The following SCNN1G variants were observed in gnomAD, a reference collection of about 807,000 sequenced individuals.
SCNN1G encodes epithelial sodium channel subunit gamma.
Under a neutral mutation model 64.6 loss-of-function variants are expected in SCNN1G, and 27 were observed. The ratio of observed to expected loss-of-function variants is 0.42; its 90% CI spans 0.31 to 0.58. SCNN1G has a LOEUF of 0.58. Among genes scored for constraint, SCNN1G ranks in the 20% least tolerant of loss-of-function variants. The pLI is 0.18. For synonymous variants in SCNN1G, 330 were observed against 314.2 expected, an observed-to-expected ratio of 1.05 and a Z score of -0.53; for missense variants, 743 against 823.4, an observed-to-expected ratio of 0.90 and a Z score of 1.19.
At chr16:23,186,973 G>T (rs1285751132) in intron 2 of SCNN1G, among the ~76,000 whole-genome samples, 1 of 151,884 alleles carries the variant, frequency 6.6e-6, no homozygotes, top group African/African-American at 2.4e-5. Context: ...TAATTTTTTT[G>T]TGTTTTTAGT....
At chr16:23,189,701 G>C in intron 3 of SCNN1G, 30 bp downstream of exon 3, 1 of 1,607,202 alleles carries the variant, frequency 6.2e-7, no homozygotes, top group Non-Finnish European at 8.5e-7. Context: ...TTCTTTCACT[G>C]CTTAGGGGCA....
chr16:23,193,175 T>C (rs1266155643), intron 4 of SCNN1G, among the ~76,000 whole-genome samples: 2 of 151,328 alleles, frequency 1.3e-5, no homozygotes, highest in Admixed American at 6.6e-5. Flanking sequence ...CCTAACCTTG[T>C]ATATTACCAT....
intron 3 of SCNN1G, among the ~76,000 whole-genome samples, chr16:23,191,138 C>A (rs993382968): frequency 2.6e-5 from 4 of 151,948 alleles, no homozygotes; most frequent in Non-Finnish European, 5.9e-5. Context: ...AGCCACCGCA[C>A]CTGGCCTGAG....
At chr16:23,195,598 T>C (rs9935983) in intron 5 of SCNN1G, among the ~76,000 whole-genome samples, 115,089 of 152,188 alleles carry the variant, frequency 0.76, 44,167 homozygotes, top group East Asian at 0.88. Context: ...TGCACATATT[T>C]CATGGGGAAG....
intron 6 of SCNN1G, among the ~76,000 whole-genome samples, chr16:23,201,940 C>T (rs1959896314): frequency 6.6e-6 from 1 of 152,150 alleles, no homozygotes; most frequent in African/African-American, 2.4e-5. Flanking sequence ...CCTCAGCCTT[C>T]CAAGTAGCTG....
intron 7 of SCNN1G, among the ~76,000 whole-genome samples, chr16:23,210,190 C>A (rs1960057645): frequency 6.6e-6 from 1 of 152,142 alleles, no homozygotes; most frequent in South Asian, 2.1e-4. Context: ...CCTGCTGGTG[C>A]CCCTCTCTGG....
intron 8 of SCNN1G, 62 bp from the exon 9 acceptor site, chr16:23,212,616 G>T (rs1960098020): frequency 7.7e-7 from 1 of 1,293,250 alleles, no homozygotes; most frequent in Non-Finnish European, 1.1e-6. Flanking sequence ...TGGTGACCTG[G>T]GGATGGCCAG....
chr16:23,207,370 G>A (rs543488146), intron 6 of SCNN1G, among the ~76,000 whole-genome samples: 8 of 152,334 alleles, frequency 5.3e-5, no homozygotes, highest in South Asian at 2.1e-4. Context: ...CCAAAGGAAC[G>A]CTTCTGCCCA....
chr16:23,200,013 G>A (rs1482295097), intron 6 of SCNN1G, among the ~76,000 whole-genome samples: 1 of 152,072 alleles, frequency 6.6e-6, no homozygotes, highest in Non-Finnish European at 1.5e-5. Flanking sequence ...TGGGGAGAAA[G>A]AAACAAAATC....
intron 2 of SCNN1G, 89 bp from the exon 3 acceptor site, chr16:23,189,282 A>T: frequency 7.5e-7 from 1 of 1,334,182 alleles, no homozygotes; most frequent in Non-Finnish European, 1.1e-6. Context: ...TGAGGCTGAC[A>T]CGTGTTGATG....
At chr16:23,195,109 G>A (rs1361161496) in intron 5 of SCNN1G, 1 of 152,094 alleles carries the variant, frequency 6.6e-6, no homozygotes, top group Non-Finnish European at 1.5e-5. Flanking sequence ...CCCCCTGCTT[G>A]TGACTTCCTT....
chr16:23,208,612 C>T (rs932459600), intron 6 of SCNN1G, among the ~76,000 whole-genome samples: 9 of 149,018 alleles, frequency 6.0e-5, no homozygotes, highest in Admixed American at 2.7e-4. Flanking sequence ...CTTCCCCTCC[C>T]CTCCCCTCCC....
At chr16:23,187,625 CAGAAGTG>C (rs1189866878) in intron 2 of SCNN1G, among the ~76,000 whole-genome samples, 2 of 152,208 alleles carry the variant, frequency 1.3e-5, no homozygotes, top group Non-Finnish European at 2.9e-5. Flanking sequence ...AAGGCTGACT[CAGAAGTG>C]ACACCCAGGT....
At chr16:23,206,586 G>A (rs1429870248) in intron 6 of SCNN1G, among the ~76,000 whole-genome samples, 1 of 152,178 alleles carries the variant, frequency 6.6e-6, no homozygotes, top group African/African-American at 2.4e-5. Context: ...TTGCACTCCA[G>A]CCTGGGTGAC....
Position 23,215,556 on chromosome 16 carries a change from G to T in SCNN1G, c.*87G>T. 3.3e-6 allele frequency: 5 copies of T among 1,492,706 alleles called. No individual in the cohort carries two copies. Among genetic ancestry groups the T allele is most frequent in the Non-Finnish European group, 3.7e-6 (4 of 1,083,690 alleles). 92.5% of individuals were successfully genotyped at this position (1,492,706 alleles called of 1,614,324 possible). ...GGTGCCCCCAGACGTGTGCACAGGG[G>T]ACCCTCTGCCCCACTCTGGGCTTTT... On this transcript the variant is annotated 3_prime_UTR_variant, in exon 13 of 13. Coordinates refer to ENST00000300061, the MANE Select transcript of SCNN1G (RefSeq NM_001039.4).
In SCNN1G at chr16:23,212,156, G is replaced by T. The variant is rs1960089411; in HGVS notation, c.1294+5G>T. 2 of 1,585,742 alleles carry T rather than the reference G, an allele frequency of 1.3e-6. No individual in the cohort carries two copies. Among genetic ancestry groups the T allele is most frequent in the Admixed American group, 3.3e-5 (2 of 59,948 alleles). Reference sequence around the variant, plus strand: ...ACCAGCAGCACCCCAACTGGAGTGAGTGAGACCCAGCTCCAGCCTTGCATG... The same window carrying T: ...ACCAGCAGCACCCCAACTGGAGTGATTGAGACCCAGCTCCAGCCTTGCATG... On this transcript the variant is annotated splice_donor_5th_base_variant and intron_variant, in intron 8 of 12. Transcript: ENST00000300061.
At chr16:23,191,905 A>T (rs987372639) in intron 3 of SCNN1G, among the ~76,000 whole-genome samples, 16 of 152,178 alleles carry the variant, frequency 1.1e-4, no homozygotes, top group African/African-American at 3.9e-4. Context: ...GGGTGAGATA[A>T]TGGGCACAGA....
rs1002329797 is a variant in SCNN1G, at chr16:23,215,207, G to A, written c.1688G>A (p.Arg563His). Residue 563 changes from arginine to histidine, a missense_variant, in exon 13 of 13, where the codon CGC (arginine) becomes CAC (histidine). Physicochemically the swap from Arg to His is conservative, Grantham distance 29. Transcript: ENST00000300061. Reference sequence around the variant, plus strand: ...ATTGACTTCTTCTCTATCATTGCCCGCCGCCAGTGGCAGAAAGCCAAGGAG... The same window carrying A: ...ATTGACTTCTTCTCTATCATTGCCCACCGCCAGTGGCAGAAAGCCAAGGAG... ...FFIDFFSIIA[R>H]RQWQKAKEWW... The A allele has an allele frequency of 1.1e-5, 17 of 1,613,960 alleles. No individual in the cohort carries two copies. Among genetic ancestry groups the A allele is most frequent in the Non-Finnish European group, 1.4e-5 (16 of 1,180,034 alleles).
At chr16:23,201,206 C>T (rs1356932844) in intron 6 of SCNN1G, among the ~76,000 whole-genome samples, 1 of 152,322 alleles carries the variant, frequency 6.6e-6, no homozygotes, top group South Asian at 2.1e-4. Context: ...GTCCCACACA[C>T]TTTTATCTGC....
Sources: allele counts gnomAD v4.1 joint callset (sites outside exome capture counted in the v4.1 genomes callset), GRCh38; gene constraint gnomAD v4.1.1; transcripts MANE v1.5; gene names NCBI Gene and HGNC (gene_info 2026-07-23, HGNC 2026-07-21).